The following GOLGA6L9 variants were observed in gnomAD, a reference collection of about 807,000 sequenced individuals.
GOLGA6L9 encodes golgin subfamily A member 6-like protein 9.
A neutral mutation model predicts 51.3 loss-of-function variants in GOLGA6L9; 19 were observed. The observed-to-expected ratio is 0.37, with a 90% CI of 0.26 to 0.54. GOLGA6L9 has a LOEUF of 0.54. GOLGA6L9 is among the 20% of genes least tolerant of loss of function. GOLGA6L9 has a pLI of 0.83. For missense variants in GOLGA6L9, 247 were observed against 464.1 expected (o/e 0.53, Z 4.30); for synonymous variants, 97 against 184.2 (o/e 0.53, Z 3.83).
chr15:82,434,470 G>A lies in GOLGA6L9; in HGVS notation c.870G>A (p.Gln290=). The A allele has an allele frequency of 6.4e-7, 1 of 1,555,298 alleles. No individual in the cohort carries two copies. Among genetic ancestry groups the A allele is most frequent in the Non-Finnish European group, 8.6e-7 (1 of 1,157,884 alleles). The change falls in exon 6 of 9, where the codon CAG becomes CAA. Residue 290 remains glutamine, a synonymous_variant. Coordinates refer to ENST00000618348, the MANE Select transcript of GOLGA6L9 (RefSeq NM_198181.4). ...TGGAGCAGGAGAGGCTTCGGCAACA[G>A]GATGAGAGGCTGTGGCAGCAGGAGA... The part of the protein sequence containing the change: ...ELLEQERLRQ[Q]DERLWQQETL...
chr15:82,416,896 G>A, the GOLGA6L9 span, among the ~76,000 whole-genome samples: 15 of 152,052 alleles, frequency 9.9e-5, no homozygotes, highest in Admixed American at 9.8e-4. Context: ...TGTACAGTTT[G>A]GTGGTTTTTA....
Position 82,431,959 on chromosome 15 carries a change from G to A in GOLGA6L9, c.204+10G>A, listed in dbSNP as rs1303955769. On this transcript the variant is annotated intron_variant, in intron 2 of 8. Transcript: ENST00000618348. ...CCACTCACCTGGGGATGTGAGTCTC[G>A]GCGGGCCAGGCTCCTGGGGACAGGG... 2,533 of 1,346,490 alleles carry A rather than the reference G, an allele frequency of 1.9e-3. 521 individuals are homozygous for A. The African/African-American group carries it at 0.03, about 16-fold the overall frequency. The allele number at this position is 1,346,490 out of a possible 1,614,324, so 83.4% of individuals were successfully genotyped here. A position where few individuals can be genotyped will look rare whatever the true frequency, so the allele number is the denominator to read the frequency against.
the GOLGA6L9 span, among the ~76,000 whole-genome samples, chr15:82,416,655 T>C: frequency 6.6e-6 from 1 of 152,194 alleles, no homozygotes; most frequent in Non-Finnish European, 1.5e-5. Context: ...ATTGGCTGAC[T>C]TAGGAAGAAG....
In GOLGA6L9 at chr15:82,438,655, A is replaced by G. The variant is rs1486620182; in HGVS notation, c.*2244A>G. The G allele has an allele frequency of 1.5e-5, 2 of 135,298 alleles. No individual in the cohort carries two copies. The highest frequency in any genetic ancestry group is 2.8e-5 in the African/African-American group (1 of 35,120). 8.4% of individuals were successfully genotyped at this position (135,298 alleles called of 1,614,324 possible). A position where few individuals can be genotyped will look rare whatever the true frequency, so the allele number is the denominator to read the frequency against. ...AATTTCTGTAGGGAGTAAAGAATCA[A>G]AACACCTATTTAAAGACTGCAAAAT... On this transcript the variant is annotated 3_prime_UTR_variant, in exon 9 of 9. Transcript: ENST00000618348.
Position 82,431,917 on chromosome 15 carries a change from T to A in GOLGA6L9, c.172T>A (p.Phe58Ile). The A allele has an allele frequency of 7.4e-7, 1 of 1,349,994 alleles. No homozygotes were observed. Among genetic ancestry groups the A allele is most frequent in the African/African-American group, 1.5e-5 (1 of 68,278 alleles). The allele number at this position is 1,349,994 out of a possible 1,614,324, so 83.6% of individuals were successfully genotyped here. A position where few individuals can be genotyped will look rare whatever the true frequency, so the allele number is the denominator to read the frequency against. The change falls in exon 2 of 9, where the codon TTC (phenylalanine) becomes ATC (isoleucine). Residue 58 changes from phenylalanine (F) to isoleucine (I), a missense_variant. This residue lies in a region of GOLGA6L9 where 74 missense variants were observed against 91.2 expected (regional missense o/e 0.81). Transcript: ENST00000618348. Reference protein sequence around the residue: ...KKINGSSPDTFTSGGYHSPGD... With the variant: ...KKINGSSPDTITSGGYHSPGD... Reference sequence around the variant, plus strand: ...AATCAATGGCAGTAGCCCTGACACATTCACTTCTGGTGGTTACCACTCACC... The same window carrying A: ...AATCAATGGCAGTAGCCCTGACACAATCACTTCTGGTGGTTACCACTCACC...
the GOLGA6L9 span, among the ~76,000 whole-genome samples, chr15:82,417,669 A>C: frequency 6.6e-3 from 1,012 of 152,314 alleles, 9 homozygotes; most frequent in African/African-American, 0.023. Flanking sequence ...TGGTTGGATA[A>C]TGGGTGACAA....
At chr15:82,429,581 C>T (rs1285433710), upstream of GOLGA6L9, among the ~76,000 whole-genome samples, 20 of 152,098 alleles carry the variant, frequency 1.3e-4, no homozygotes, top group African/African-American at 4.6e-4. Flanking sequence ...GGGTCTATAT[C>T]TCAGTTAAGG....
chr15:82,428,872 A>C (rs1471889222), upstream of GOLGA6L9, among the ~76,000 whole-genome samples: 1 of 132,128 alleles, frequency 7.6e-6, no homozygotes, highest in Non-Finnish European at 1.6e-5. Context: ...AGCAGTACAC[A>C]GTGACATAAC....
upstream of GOLGA6L9, among the ~76,000 whole-genome samples, chr15:82,429,408 G>A (rs1422707194): frequency 3.4e-4 from 51 of 151,958 alleles, no homozygotes; most frequent in African/African-American, 1.2e-3. Flanking sequence ...TATTAGACAT[G>A]TTTCTTGTTT....
At chr15:82,418,299 T>TG in the GOLGA6L9 span, among the ~76,000 whole-genome samples, 1 of 152,122 alleles carries the variant, frequency 6.6e-6, no homozygotes, top group African/African-American at 2.4e-5. Context: ...GCAAGTCTTC[T>TG]GGGGGGAAAT....
rs1362249869 is a variant in GOLGA6L9, at chr15:82,436,363, T to A, written c.1251T>A (p.His417Gln). Residue 417 changes from histidine to glutamine, a missense_variant, in exon 9 of 9, where the codon CAT (histidine) becomes CAA (glutamine). His to Gln is a conservative substitution (Grantham distance 24, BLOSUM62 0). This residue lies in a region of GOLGA6L9 where 20 missense variants were observed against 25.1 expected (regional missense o/e 0.80). Transcript: ENST00000618348. ...GAGGAGCAGGAGAGGCTGCATGCCA[T>A]TCTTTTCGGGCTGCCGAGAACAGGG... Reference protein sequence around the residue: ...AAGGAGEAACHSFRAAENREL... With the variant: ...AAGGAGEAACQSFRAAENREL... 2 of 1,596,902 alleles carry A rather than the reference T, an allele frequency of 1.3e-6. No individual in the cohort carries two copies. Among genetic ancestry groups the A allele is most frequent in the Non-Finnish European group, 1.7e-6 (2 of 1,178,174 alleles).
the GOLGA6L9 span, among the ~76,000 whole-genome samples, chr15:82,418,164 T>C: frequency 1.3e-5 from 2 of 152,186 alleles, no homozygotes; most frequent in Non-Finnish European, 2.9e-5. Context: ...TGAAAACAAT[T>C]ATTAAGGTGA....
chr15:82,432,867 C>A lies in GOLGA6L9; in HGVS notation c.315C>A (p.Ile105=), dbSNP rs2031469515. The part of the protein sequence containing the change: ...AVALDSSSAI[I]SQLTENINSL... ...CCCTGGATTCAAGCTCCGCAATAAT[C>A]AGTCAACTCACTGAAAACATCAATT... The change falls in exon 4 of 9, where the codon ATC becomes ATA. Residue 105 remains isoleucine, a synonymous_variant. Coordinates refer to ENST00000618348, the MANE Select transcript of GOLGA6L9 (RefSeq NM_198181.4). The A allele has an allele frequency of 1.1e-5, 18 of 1,612,396 alleles. No individual in the cohort carries two copies. In the Admixed American group the frequency reaches 2.3e-4, roughly 21 times the overall value.
upstream of GOLGA6L9, among the ~76,000 whole-genome samples, chr15:82,429,069 A>C: frequency 6.8e-6 from 1 of 147,386 alleles, no homozygotes; most frequent in East Asian, 2.0e-4. Context: ...TTTGTATCTT[A>C]TTTTATTTTA....
intron 1 of GOLGA6L9, chr15:82,430,454 C>T (rs2150826031): frequency 2.8e-5 from 2 of 70,526 alleles, no homozygotes; most frequent in East Asian, 6.2e-4. Flanking sequence ...CCTCCCTGGG[C>T]TCTTTGGGCT....
Position 82,430,076 on chromosome 15 carries a change from G to A in GOLGA6L9, c.-4G>A, listed in dbSNP as rs1436158777. 1,519 of 701,258 alleles carry A rather than the reference G, an allele frequency of 2.2e-3. 17 individuals are homozygous for A. The African/African-American group carries it at 0.023, about 11-fold the overall frequency. The allele number at this position is 701,258 out of a possible 1,614,324, so 43.4% of individuals were successfully genotyped here. A position where few individuals can be genotyped will look rare whatever the true frequency, so the allele number is the denominator to read the frequency against. Reference sequence around the variant, plus strand: ...ATTGAGCAGTGCTCACTGGTATTTCGCTGATGTGGCCCCAACCCCGCCTCC... The same window carrying A: ...ATTGAGCAGTGCTCACTGGTATTTCACTGATGTGGCCCCAACCCCGCCTCC... On this transcript the variant is annotated 5_prime_UTR_variant, in exon 1 of 9. Transcript: ENST00000618348.
the GOLGA6L9 span, among the ~76,000 whole-genome samples, chr15:82,421,224 A>G: frequency 1.6e-5 from 1 of 63,150 alleles, no homozygotes; most frequent in African/African-American, 7.4e-5. Flanking sequence ...AGATGCTCCA[A>G]GAGAATCCAA....
Position 82,434,169 on chromosome 15 carries a change from T to G in GOLGA6L9, c.569T>G (p.Leu190Trp). The change falls in exon 6 of 9, where the codon TTG becomes TGG. Residue 190 changes from leucine to tryptophan, a missense_variant. Coordinates refer to ENST00000618348, the MANE Select transcript of GOLGA6L9 (RefSeq NM_198181.4). Reference sequence around the variant, plus strand: ...GCTGAGGTGGAAAACAATCAGATGTTGAGTCTCCTGAACAGGAGACAGGAG... The same window carrying G: ...GCTGAGGTGGAAAACAATCAGATGTGGAGTCTCCTGAACAGGAGACAGGAG... The part of the protein sequence containing the change: ...LQAEVENNQM[L>W]SLLNRRQEER... 1 of 1,537,164 alleles carries G rather than the reference T, an allele frequency of 6.5e-7. No homozygotes were observed. Among genetic ancestry groups the G allele is most frequent in the Non-Finnish European group, 8.7e-7 (1 of 1,148,706 alleles).
chr15:82,430,321 C>T, intron 1 of GOLGA6L9, 158 bp downstream of exon 1: 1 of 284,848 alleles, frequency 3.5e-6, no homozygotes. Context: ...CAGTCAGCCC[C>T]ACCCCTTCAG....
Sources: gnomAD v4.1 joint callset for allele counts (sites outside exome capture counted in the v4.1 genomes callset) on GRCh38, gnomAD v4.1.1 for gene constraint, gnomAD v4.1.1 regional missense constraint, MANE v1.5 for transcripts, NCBI Gene and HGNC (gene_info 2026-07-23, HGNC 2026-07-21) for gene names.